Variants in ZNF81 observed in about 807,000 individuals in gnomAD.
ZNF81 encodes zinc finger protein 81.
ZNF81 carries 5 observed loss-of-function variants against 32.3 expected under a neutral mutation model. The ratio of observed to expected loss-of-function variants is 0.15; its 90% CI spans 0.08 to 0.33. The LOEUF is 0.33. Among genes scored for constraint, ZNF81 ranks in the 10% least tolerant of loss-of-function variants. The probability of loss-of-function intolerance (pLI) is 1.00; values close to 1 mark genes in which losing one functional copy is unlikely to be tolerated. For synonymous variants in ZNF81, 163 were observed against 166.8 expected, an observed-to-expected ratio of 0.98 and a Z score of 0.17; for missense variants, 379 against 479.8, an observed-to-expected ratio of 0.79 and a Z score of 1.96.
chrX:47,916,895 G>C lies in ZNF81; in HGVS notation c.*263G>C, dbSNP rs2058759188. On this transcript the variant is annotated 3_prime_UTR_variant, in exon 5 of 5. Transcript: ENST00000338637. Reference sequence around the variant, plus strand: ...AAATGTTGTCAGTTTGGTGTGTTAGGAAAAGCCTTCCTATAGAAAGTATTA... The same window carrying C: ...AAATGTTGTCAGTTTGGTGTGTTAGCAAAAGCCTTCCTATAGAAAGTATTA... 1 of 305,246 alleles carries C rather than the reference G, an allele frequency of 3.3e-6. No homozygotes were observed. Among genetic ancestry groups the C allele is most frequent in the African/African-American group, 2.7e-5 (1 of 36,611 alleles). 25.2% of individuals were successfully genotyped at this position (305,246 alleles called of 1,213,427 possible). A position where few individuals can be genotyped will look rare whatever the true frequency, so the allele number is the denominator to read the frequency against.
At chrX:47,878,812 G>A (rs2058609841) in intron 2 of ZNF81, among the ~76,000 whole-genome samples, 1 of 112,416 alleles carries the variant, frequency 8.9e-6, no homozygotes, top group African/African-American at 3.2e-5. Flanking sequence ...ACAGAAGTTT[G>A]TTATCCTATA....
rs2146434869 is a variant in ZNF81, at chrX:47,922,106, A to T, written c.*5474A>T. ...TCACTAAGTTTTGGGCAGCATGATA[A>T]CAACCCAGCAAAAAGCTAACTGATA... On this transcript the variant is annotated 3_prime_UTR_variant, in exon 5 of 5. Coordinates refer to ENST00000338637, the MANE Select transcript of ZNF81 (RefSeq NM_007137.5). The T allele has an allele frequency of 8.9e-6, 1 of 112,158 alleles. No individual in the cohort carries two copies. Among genetic ancestry groups the T allele is most frequent in the East Asian group, 2.8e-4 (1 of 3,585 alleles). The allele number at this position is 112,158 out of a possible 1,213,427, so 9.2% of individuals were successfully genotyped here. A position where few individuals can be genotyped will look rare whatever the true frequency, so the allele number is the denominator to read the frequency against.
At chrX:47,851,829 A>C (rs1383353179) in intron 2 of ZNF81, among the ~76,000 whole-genome samples, 2 of 112,223 alleles carry the variant, frequency 1.8e-5, no homozygotes, top group Non-Finnish European at 3.8e-5. Flanking sequence ...TTTTACTTTT[A>C]CTGCTGCAAC....
At position 47,915,816 on chromosome X, in the gene ZNF81, A is replaced by G; in HGVS notation, c.1170A>G (p.Glu390=). The change falls in exon 5 of 5, where the codon GAA becomes GAG. Residue 390 remains glutamate (E), a synonymous_variant. Transcript: ENST00000338637. ...HTGEKLFECS[E]CGKGFSLNSA... is the part of the protein sequence containing the mutation. ...GAGAAAAACTCTTTGAATGCAGTGAATGTGGTAAAGGCTTCTCCCTGAACT... is the reference window on the plus strand; with the variant it reads ...GAGAAAAACTCTTTGAATGCAGTGAGTGTGGTAAAGGCTTCTCCCTGAACT... 8.3e-7 allele frequency: 1 copy of G among 1,211,666 alleles called. No homozygotes were observed. The highest frequency in any genetic ancestry group is 1.1e-6 in the Non-Finnish European group (1 of 895,464).
intron 2 of ZNF81, among the ~76,000 whole-genome samples, chrX:47,861,618 C>G (rs782307109): frequency 1.8e-5 from 2 of 111,922 alleles, no homozygotes; most frequent in South Asian, 7.5e-4. Flanking sequence ...AATACTGGGC[C>G]AATACCAGCA....
chrX:47,883,210 G>T (rs781885489), intron 2 of ZNF81, among the ~76,000 whole-genome samples: 1 of 109,766 alleles, frequency 9.1e-6, no homozygotes, highest in Non-Finnish European at 1.9e-5. Flanking sequence ...TATCTTTTTT[G>T]TGTCTGCTCA....
At chrX:47,872,595 T>C (rs1366517034) in intron 2 of ZNF81, among the ~76,000 whole-genome samples, 1 of 111,693 alleles carries the variant, frequency 9.0e-6, no homozygotes, top group African/African-American at 3.3e-5. Context: ...TTTCAGACAA[T>C]GGCACTGAAG....
intron 2 of ZNF81, among the ~76,000 whole-genome samples, chrX:47,869,016 A>G (rs1332162602): frequency 9.0e-6 from 1 of 110,746 alleles, no homozygotes; most frequent in Non-Finnish European, 1.9e-5. Flanking sequence ...GTAATTTACC[A>G]TCGATGTCTT....
chrX:47,847,477 GGGCT>G (rs2058475549), intron 2 of ZNF81, among the ~76,000 whole-genome samples: 1 of 112,060 alleles, frequency 8.9e-6, no homozygotes, highest in Admixed American at 9.5e-5. Context: ...GTAATAGGTG[GGGCT>G]GCTCTCACTT....
In ZNF81 at chrX:47,916,981, G is replaced by A; in HGVS notation, c.*349G>A. The A allele has an allele frequency of 3.5e-6, 1 of 281,715 alleles. No homozygotes were observed. The highest frequency in any genetic ancestry group is 6.2e-6 in the Non-Finnish European group (1 of 160,085). 23.2% of individuals were successfully genotyped at this position (281,715 alleles called of 1,213,427 possible). A position where few individuals can be genotyped will look rare whatever the true frequency, so the allele number is the denominator to read the frequency against. ...AGAGTGCAAAATTATGTAAATGATG[G>A]TCAGGTTTACTGTGTTATATTAAGC... On this transcript the variant is annotated 3_prime_UTR_variant, in exon 5 of 5. Transcript: ENST00000338637.
At chrX:47,904,984 G>A (rs1482064071) in intron 4 of ZNF81, among the ~76,000 whole-genome samples, 1 of 109,283 alleles carries the variant, frequency 9.2e-6, no homozygotes, top group Non-Finnish European at 1.9e-5. Context: ...AACACCACAT[G>A]TTCTCACTCA....
intron 3 of ZNF81, among the ~76,000 whole-genome samples, chrX:47,889,068 T>C (rs1161646482): frequency 9.0e-6 from 1 of 111,451 alleles, no homozygotes; most frequent in Non-Finnish European, 1.9e-5. Context: ...AAGAGATAAA[T>C]TGAAGAAAGA....
At chrX:47,867,754 G>A (rs781860178) in intron 2 of ZNF81, among the ~76,000 whole-genome samples, 2 of 109,305 alleles carry the variant, frequency 1.8e-5, no homozygotes, top group South Asian at 3.7e-4. Context: ...GGTGTTGTCC[G>A]TATTGCTTGT....
chrX:47,883,946 G>T (rs1013841646), intron 2 of ZNF81, among the ~76,000 whole-genome samples: 22 of 87,025 alleles, frequency 2.5e-4, no homozygotes, highest in Non-Finnish European at 5.1e-4. Flanking sequence ...CCCTTCTGAG[G>T]TTAGGTTATA....
chrX:47,877,122 G>A (rs1188533188), intron 2 of ZNF81, among the ~76,000 whole-genome samples: 1 of 112,457 alleles, frequency 8.9e-6, no homozygotes, highest in African/African-American at 3.2e-5. Context: ...GGCCCAAAGG[G>A]CCCTATCCAC....
intron 4 of ZNF81, among the ~76,000 whole-genome samples, chrX:47,909,877 C>A (rs1472100193): frequency 9.3e-6 from 1 of 107,307 alleles, no homozygotes; most frequent in Non-Finnish European, 1.9e-5. Flanking sequence ...TTTGTCCTTG[C>A]GATAGTTTAC....
rs1556891499 is a variant in ZNF81 at position 47,919,133 on chromosome X, G to C, written c.*2501G>C. ...TGAGAAATTTGGAGGTCCTGGAATA[G>C]GGGTGAACACATTTTGCATGGGGTG... On this transcript the variant is annotated 3_prime_UTR_variant, in exon 5 of 5. Coordinates refer to ENST00000338637, the MANE Select transcript of ZNF81 (RefSeq NM_007137.5). 1 of 329,315 alleles carries C rather than the reference G, an allele frequency of 3.0e-6. No homozygotes were observed. Among genetic ancestry groups the C allele is most frequent in the Non-Finnish European group, 5.9e-6 (1 of 169,314 alleles). The allele number at this position is 329,315 out of a possible 1,213,427, so 27.1% of individuals were successfully genotyped here. A position where few individuals can be genotyped will look rare whatever the true frequency, so the allele number is the denominator to read the frequency against.
chrX:47,863,216 C>G (rs1460257585), intron 2 of ZNF81, among the ~76,000 whole-genome samples: 4 of 111,446 alleles, frequency 3.6e-5, no homozygotes, highest in African/African-American at 1.3e-4. Context: ...CATTGTCAGA[C>G]CCCTTCTTGT....
chrX:47,842,384 G>A (rs1340472102), intron 1 of ZNF81, among the ~76,000 whole-genome samples: 2 of 110,886 alleles, frequency 1.8e-5, no homozygotes, highest in Non-Finnish European at 3.8e-5. Flanking sequence ...TTGTTTTGGC[G>A]GGGGGAGTCT....
Sources: gnomAD v4.1 joint callset for allele counts (sites outside exome capture counted in the v4.1 genomes callset) on GRCh38, gnomAD v4.1.1 for gene constraint, MANE v1.5 for transcripts, NCBI Gene and HGNC (gene_info 2026-07-23, HGNC 2026-07-21) for gene names.